Variants in MOXD1 observed in about 807,000 individuals in gnomAD.
MOXD1 encodes DBH-like monooxygenase protein 1.
Under a neutral mutation model 66.6 loss-of-function variants are expected in MOXD1, and 62 were observed. That is an observed-to-expected ratio of 0.93 (90% confidence interval 0.76 to 1.15). The LOEUF is 1.15. MOXD1 is among the 50% of genes most tolerant of loss of function. MOXD1 has a pLI of 0.00. For synonymous variants in MOXD1, 303 were observed against 281.9 expected (o/e 1.07, Z -0.75); for missense variants, 847 against 754.6 (o/e 1.12, Z -1.44).
At chr6:132,396,558 C>CA (rs58556958) in intron 1 of MOXD1, among the ~76,000 whole-genome samples, 74,841 of 150,640 alleles carry the variant, frequency 0.5, 20,530 homozygotes, top group African/African-American at 0.75. Flanking sequence ...AAAACAGAGA[C>CA]AAAAAAAATA....
At chr6:132,399,313 T>C (rs557542479) in intron 1 of MOXD1, among the ~76,000 whole-genome samples, 1 of 152,336 alleles carries the variant, frequency 6.6e-6, no homozygotes, top group African/African-American at 2.4e-5. Context: ...TGATTTTATT[T>C]CCTTAGGAAT....
intron 4 of MOXD1, among the ~76,000 whole-genome samples, chr6:132,351,822 C>T (rs1164622449): frequency 5.3e-5 from 8 of 152,138 alleles, no homozygotes; most frequent in Non-Finnish European, 1.5e-5. Flanking sequence ...TGCTATTGGT[C>T]TGTTCAAGGT....
intron 7 of MOXD1, among the ~76,000 whole-genome samples, chr6:132,323,419 G>A (rs1037882179): frequency 1.3e-5 from 2 of 152,110 alleles, no homozygotes; most frequent in Non-Finnish European, 2.9e-5. Context: ...TTCATAAAGA[G>A]TATGATCCAT....
intron 11 of MOXD1, among the ~76,000 whole-genome samples, chr6:132,297,573 T>A (rs1774437298): frequency 6.6e-6 from 1 of 152,164 alleles, no homozygotes; most frequent in Non-Finnish European, 1.5e-5. Context: ...TCCTGCTCTA[T>A]CCCAACCTTA....
At chr6:132,358,323 G>A (rs1775947814) in intron 4 of MOXD1, among the ~76,000 whole-genome samples, 2 of 152,210 alleles carry the variant, frequency 1.3e-5, no homozygotes, top group Non-Finnish European at 2.9e-5. Flanking sequence ...ACTGAAAAGA[G>A]TTCAACACAG....
chr6:132,323,015 C>T (rs780405036), intron 7 of MOXD1, 145 bp from the exon 8 acceptor site: 33 of 779,006 alleles, frequency 4.2e-5, no homozygotes, highest in Non-Finnish European at 6.2e-5. Context: ...AGTTTGAATT[C>T]GGATTGTTCA....
intron 1 of MOXD1, 153 bp from the exon 2 acceptor site, chr6:132,374,930 G>C: frequency 1.4e-6 from 1 of 728,026 alleles, no homozygotes; most frequent in African/African-American, 1.8e-5. Flanking sequence ...GGGGAATCAG[G>C]TCCCTGGGAA....
chr6:132,400,050 G>A (rs1481359446), intron 1 of MOXD1, among the ~76,000 whole-genome samples: 1 of 152,186 alleles, frequency 6.6e-6, no homozygotes, highest in Non-Finnish European at 1.5e-5. Flanking sequence ...GAGTGGTTTT[G>A]AACTTTTTAT....
intron 1 of MOXD1, among the ~76,000 whole-genome samples, chr6:132,398,532 C>T (rs1776947731): frequency 6.6e-6 from 1 of 152,086 alleles, no homozygotes; most frequent in South Asian, 2.1e-4. Flanking sequence ...TTTATTGATG[C>T]CCCGGGAGCC....
At chr6:132,378,918 A>G (rs1260454696) in intron 1 of MOXD1, among the ~76,000 whole-genome samples, 2 of 43,800 alleles carry the variant, frequency 4.6e-5, no homozygotes, top group African/African-American at 1.1e-4. Flanking sequence ...TTTTTTTGCG[A>G]CAGAGTTTCA....
At chr6:132,399,050 C>A (rs1776962265) in intron 1 of MOXD1, among the ~76,000 whole-genome samples, 1 of 151,668 alleles carries the variant, frequency 6.6e-6, no homozygotes, top group African/African-American at 2.4e-5. Flanking sequence ...AGAGAGGAGA[C>A]TGAATTTCGA....
In MOXD1 at chr6:132,315,621, C is replaced by T. The variant is rs1774928138; in HGVS notation, c.1508+14G>A. 6.2e-7 allele frequency: 1 copy of T among 1,600,864 alleles called. No homozygotes were observed. Among genetic ancestry groups the T allele is most frequent in the South Asian group, 1.1e-5 (1 of 88,608 alleles). Reference sequence around the variant, plus strand: ...AAATACGTTACCCCATCATAAAATACATTTACTACTTACGTGACTGGTCTG... The same window carrying T: ...AAATACGTTACCCCATCATAAAATATATTTACTACTTACGTGACTGGTCTG... On this transcript the variant is annotated intron_variant, in intron 10 of 11. Coordinates refer to ENST00000367963, the MANE Select transcript of MOXD1 (RefSeq NM_015529.4).
intron 4 of MOXD1, among the ~76,000 whole-genome samples, chr6:132,344,406 G>A (rs1210335668): frequency 1.3e-5 from 2 of 152,110 alleles, no homozygotes; most frequent in Admixed American, 1.3e-4. Flanking sequence ...TATTCATATG[G>A]GGGGAAAAAA....
At chr6:132,390,068 A>AGG (rs777320026) in intron 1 of MOXD1, among the ~76,000 whole-genome samples, 1 of 151,508 alleles carries the variant, frequency 6.6e-6, no homozygotes, top group Admixed American at 6.6e-5. Flanking sequence ...GTATTAAGAA[A>AGG]GAAACTTCTA....
At chr6:132,361,245 C>G (rs909943085) in intron 4 of MOXD1, among the ~76,000 whole-genome samples, 1 of 151,686 alleles carries the variant, frequency 6.6e-6, no homozygotes, top group Non-Finnish European at 1.5e-5. Flanking sequence ...ATTACCCCTT[C>G]TATCTGAATT....
chr6:132,389,951 C>A (rs1776724852), intron 1 of MOXD1, among the ~76,000 whole-genome samples: 1 of 151,498 alleles, frequency 6.6e-6, no homozygotes, highest in African/African-American at 2.4e-5. Flanking sequence ...GGAAATCTTC[C>A]TCAGGCATAC....
intron 7 of MOXD1, among the ~76,000 whole-genome samples, chr6:132,323,497 CTA>C (rs1332425307): frequency 6.6e-6 from 1 of 151,978 alleles, no homozygotes; most frequent in Admixed American, 6.6e-5. Flanking sequence ...TTCTTCTATC[CTA>C]TATATTTTTT....
intron 4 of MOXD1, among the ~76,000 whole-genome samples, chr6:132,351,034 A>G (rs752988473): frequency 1.9e-4 from 29 of 152,108 alleles, no homozygotes; most frequent in Non-Finnish European, 3.8e-4. Flanking sequence ...CAGTTCTAGG[A>G]GCTTTCTGGA....
chr6:132,357,343 G>GA (rs1562292119), intron 4 of MOXD1, among the ~76,000 whole-genome samples: 1 of 152,014 alleles, frequency 6.6e-6, no homozygotes, highest in Non-Finnish European at 1.5e-5. Context: ...GTTTACCACT[G>GA]AAAAAAGAAC....
Sources: allele counts gnomAD v4.1 joint callset (sites outside exome capture counted in the v4.1 genomes callset), GRCh38; gene constraint gnomAD v4.1.1; transcripts MANE v1.5; gene names NCBI Gene and HGNC (gene_info 2026-07-23, HGNC 2026-07-21).